The following ENOX2 variants were observed in gnomAD, a reference collection of about 807,000 sequenced individuals.
ENOX2 encodes APK1 antigen.
ENOX2 carries 36 observed loss-of-function variants against 45.0 expected under a neutral mutation model. The ratio of observed to expected loss-of-function variants is 0.80; its 90% CI spans 0.61 to 1.06. The LOEUF is 1.06. Among genes scored for constraint, ENOX2 ranks in the 50% least tolerant of loss-of-function variants. The pLI is 0.00. For synonymous variants in ENOX2, 174 were observed against 152.3 expected, an observed-to-expected ratio of 1.14 and a Z score of -1.05; for missense variants, 423 against 462.5, an observed-to-expected ratio of 0.91 and a Z score of 0.78.
At chrX:130,898,727 CT>C (rs1007829022) in intron 2 of ENOX2, among the ~76,000 whole-genome samples, 10 of 103,896 alleles carry the variant, frequency 9.6e-5, no homozygotes, top group East Asian at 6.0e-4. Context: ...TTAAGATGTT[CT>C]TTTTTTTCTT....
intron 10 of ENOX2, among the ~76,000 whole-genome samples, chrX:130,647,080 T>C (rs185777788): frequency 1.1e-4 from 12 of 112,370 alleles, no homozygotes; most frequent in Non-Finnish European, 1.7e-4. Context: ...CTAGTGACAG[T>C]TGAATGTGCT....
intron 2 of ENOX2, among the ~76,000 whole-genome samples, chrX:130,809,955 A>G (rs1257536723): frequency 1.8e-5 from 2 of 111,639 alleles, no homozygotes; most frequent in Non-Finnish European, 3.8e-5. Flanking sequence ...CTACCTACAC[A>G]CAAAAATACC....
At chrX:130,882,463 G>C (rs1181991724) in intron 2 of ENOX2, among the ~76,000 whole-genome samples, 1 of 111,048 alleles carries the variant, frequency 9.0e-6, no homozygotes, top group Non-Finnish European at 1.9e-5. Context: ...TAGACACAGA[G>C]AAGATGTGTG....
chrX:130,633,142 G>A (rs1344058704), intron 12 of ENOX2, among the ~76,000 whole-genome samples: 3 of 111,901 alleles, frequency 2.7e-5, no homozygotes, highest in Non-Finnish European at 5.6e-5. Flanking sequence ...CAGATTTAAA[G>A]AGCTTAGTTC....
chrX:130,630,287 C>T (rs762278500), intron 13 of ENOX2, among the ~76,000 whole-genome samples: 20 of 111,051 alleles, frequency 1.8e-4, no homozygotes, highest in Admixed American at 4.8e-4. Context: ...GTCCCCGGGG[C>T]GCACAGCTCC....
chrX:130,903,006 A>C (rs1385898576), intron 1 of ENOX2, 43 bp downstream of exon 1: 1 of 110,238 alleles, frequency 9.1e-6, no homozygotes, highest in Non-Finnish European at 1.9e-5. Context: ...CCTCAGTCCC[A>C]CAGTCCCCAG....
At chrX:130,708,016 G>A (rs73555115) in intron 3 of ENOX2, among the ~76,000 whole-genome samples, 1,923 of 112,052 alleles carry the variant, frequency 0.017, 31 homozygotes, top group African/African-American at 0.059. Flanking sequence ...GAGTCAAAGA[G>A]ACCTCATCCT....
chrX:130,750,009 A>G (rs2039180057), intron 3 of ENOX2, among the ~76,000 whole-genome samples: 1 of 109,803 alleles, frequency 9.1e-6, no homozygotes, highest in African/African-American at 3.3e-5. Flanking sequence ...TCTGTTGCTC[A>G]GTCAGTGTCT....
rs780680719 is a variant in ENOX2, at chrX:130,849,750, C to T, written c.-183+51934G>A. On this transcript the variant is annotated intron_variant, in intron 2 of 14. Coordinates refer to ENST00000394363, the MANE Select transcript of ENOX2 (RefSeq NM_006375.4). ...GTATGACCTTGAACAAATCACTCAA[C>T]CTTTTTAGGCCTATCTTATGATAGA... 3.6e-5 allele frequency among the ~76,000 whole-genome samples: 4 copies of T among 112,002 alleles called. No individual in the cohort carries two copies. In the East Asian group the frequency reaches 1.1e-3, roughly 31 times the overall value.
intron 3 of ENOX2, among the ~76,000 whole-genome samples, chrX:130,750,600 C>T (rs945778313): frequency 1.8e-5 from 2 of 111,190 alleles, no homozygotes; most frequent in Non-Finnish European, 3.8e-5. Context: ...GTCTTTTGGC[C>T]TATAACACAT....
intron 3 of ENOX2, among the ~76,000 whole-genome samples, chrX:130,753,209 GT>G (rs2039270405): frequency 9.1e-6 from 1 of 109,861 alleles, no homozygotes; most frequent in Non-Finnish European, 1.9e-5. Flanking sequence ...TCTCTACCCT[GT>G]TTTCTCTCTC....
At chrX:130,739,651 G>A (rs1488681185) in intron 3 of ENOX2, among the ~76,000 whole-genome samples, 1 of 112,232 alleles carries the variant, frequency 8.9e-6, no homozygotes. Flanking sequence ...CCGAGGTGAG[G>A]AGAATAGGTA....
intron 6 of ENOX2, among the ~76,000 whole-genome samples, chrX:130,672,483 C>G (rs751759105): frequency 1.3e-3 from 142 of 112,952 alleles, no homozygotes; most frequent in Non-Finnish European, 1.8e-3. Context: ...GGCGCCTGAC[C>G]ACTTGGCCTG....
intron 3 of ENOX2, among the ~76,000 whole-genome samples, chrX:130,778,936 T>C (rs762945063): frequency 8.9e-6 from 1 of 112,702 alleles, no homozygotes; most frequent in Non-Finnish European, 1.9e-5. Flanking sequence ...GACACCTTCT[T>C]TGAATATTAT....
rs112774704 is a variant in ENOX2 at position 130,784,552 on chromosome X, G to A, written c.-182-862C>T. 3.2e-4 allele frequency among the ~76,000 whole-genome samples: 35 copies of A among 109,774 alleles called. No individual in the cohort carries two copies. The East Asian group carries it at 8.4e-3, about 26-fold the overall frequency. On this transcript the variant is annotated intron_variant, in intron 2 of 14. Transcript: ENST00000394363. ...CACTGGTTCTCTAATCCTATCAAAG[G>A]GGGGGAAATCAGGTTGGCCTGATAT... is the stretch of plus-strand genomic sequence containing the variant.
chrX:130,663,531 C>CAA (rs771813859), intron 9 of ENOX2, among the ~76,000 whole-genome samples: 74 of 42,987 alleles, frequency 1.7e-3, no homozygotes, highest in South Asian at 5.8e-3. Flanking sequence ...ACTCCGTCTC[C>CAA]AAAAAAAAAA....
intron 3 of ENOX2, among the ~76,000 whole-genome samples, chrX:130,736,345 T>G (rs751638069): frequency 2.8e-5 from 3 of 107,493 alleles, no homozygotes; most frequent in Non-Finnish European, 1.9e-5. Flanking sequence ...GGTGACAGAG[T>G]GAGACTCCAT....
chrX:130,684,121 A>G (rs1345346659), intron 5 of ENOX2, among the ~76,000 whole-genome samples: 1 of 112,727 alleles, frequency 8.9e-6, no homozygotes, highest in Non-Finnish European at 1.9e-5. Flanking sequence ...CTACCTGCCA[A>G]CCAGCCCTTG....
chrX:130,741,444 A>C (rs1390738121), intron 3 of ENOX2, among the ~76,000 whole-genome samples: 1 of 111,604 alleles, frequency 9.0e-6, no homozygotes, highest in Non-Finnish European at 1.9e-5. Flanking sequence ...GCATTTCTTA[A>C]AGGTATGGTA....
Sources: allele counts gnomAD v4.1 joint callset (sites outside exome capture counted in the v4.1 genomes callset), GRCh38; gene constraint gnomAD v4.1.1; transcripts MANE v1.5; gene names NCBI Gene and HGNC (gene_info 2026-07-23, HGNC 2026-07-21).